Variants in CPT1A observed in about 807,000 individuals in gnomAD.
CPT1A encodes the protein carnitine palmitoyltransferase 1A.
CPT1A carries 64 observed loss-of-function variants against 100.8 expected under a neutral mutation model. The ratio of observed to expected loss-of-function variants is 0.63; its 90% confidence interval spans 0.52 to 0.78. The LOEUF (loss-of-function observed/expected upper bound fraction) is 0.78, where lower values mean the gene tolerates loss of function less well. CPT1A is among the 30% of genes least tolerant of loss of function. The probability of loss-of-function intolerance (pLI) is 0.00; values close to 1 mark genes in which losing one functional copy is unlikely to be tolerated. For synonymous variants in CPT1A, 363 were observed against 396.0 expected (o/e 0.92, Z 0.99); for missense variants, 802 against 1,034.1 (o/e 0.78, Z 3.08).
At chr11:68,787,529 C>A (rs1432444205) in intron 9 of CPT1A, among the ~76,000 whole-genome samples, 1 of 152,136 alleles carries the variant, frequency 6.6e-6, no homozygotes, top group Non-Finnish European at 1.5e-5. Flanking sequence ...TGTGTCCCCC[C>A]ATTCATATAT....
At chr11:68,783,916 C>A (rs1855383351) in intron 10 of CPT1A, among the ~76,000 whole-genome samples, 1 of 152,220 alleles carries the variant, frequency 6.6e-6, no homozygotes, top group Non-Finnish European at 1.5e-5. Flanking sequence ...GTCACCCAGG[C>A]TGGAGTGCAG....
intron 1 of CPT1A, among the ~76,000 whole-genome samples, chr11:68,840,200 G>A (rs78442314): frequency 2.0e-5 from 3 of 152,196 alleles, no homozygotes; most frequent in African/African-American, 7.2e-5. Context: ...ATGTTCGCTG[G>A]CCTCAGCGGT....
rs1231286362 is a variant in CPT1A at position 68,755,708 on chromosome 11, C to T, written c.*1936G>A. 5 of 95,496 alleles carry T rather than the reference C, an allele frequency of 5.2e-5. No individual in the cohort carries two copies. Among genetic ancestry groups the T allele is most frequent in the Admixed American group, 1.1e-4 (1 of 8,766 alleles). 5.9% of individuals were successfully genotyped at this position (95,496 alleles called of 1,614,324 possible). ...ACACGCATGAGCCACCGCGCCTGGA[C>T]GCTTTTTTTTTTTTTTTTGTCTTTT... On this transcript the variant is annotated 3_prime_UTR_variant, in exon 19 of 19. Transcript: ENST00000265641.
At chr11:68,800,692 C>T (rs1443850019) in intron 5 of CPT1A, among the ~76,000 whole-genome samples, 2 of 151,860 alleles carry the variant, frequency 1.3e-5, no homozygotes, top group African/African-American at 4.8e-5. Flanking sequence ...TTGCTAACCC[C>T]ACAATTTGTC....
chr11:68,799,790 C>T (rs1855855651), intron 5 of CPT1A, among the ~76,000 whole-genome samples: 2 of 151,942 alleles, frequency 1.3e-5, no homozygotes, highest in African/African-American at 2.4e-5. Context: ...ACTCTTCCCC[C>T]AAGTTGGTCT....
At chr11:68,758,301 C>T (rs921019239) in intron 18 of CPT1A, among the ~76,000 whole-genome samples, 7 of 152,026 alleles carry the variant, frequency 4.6e-5, no homozygotes, top group Admixed American at 3.9e-4. Flanking sequence ...AAAAGAAAAC[C>T]GCAGTGAACA....
intron 3 of CPT1A, among the ~76,000 whole-genome samples, chr11:68,810,948 G>A (rs568658994): frequency 2.6e-5 from 4 of 152,146 alleles, no homozygotes; most frequent in South Asian, 2.1e-4. Context: ...TCGCACCATC[G>A]CACTCCAGCC....
At chr11:68,798,456 C>T (rs1855814356) in intron 6 of CPT1A, among the ~76,000 whole-genome samples, 1 of 152,186 alleles carries the variant, frequency 6.6e-6, no homozygotes. Flanking sequence ...ACCTTCTCTT[C>T]CGTGTTAGTT....
At chr11:68,840,739 T>C (rs571704983) in intron 1 of CPT1A, among the ~76,000 whole-genome samples, 1 of 152,112 alleles carries the variant, frequency 6.6e-6, no homozygotes, top group Non-Finnish European at 1.5e-5. Flanking sequence ...CGCTGACCCA[T>C]GGCCTCTCCT....
chr11:68,772,679 C>T (rs1855023064), intron 14 of CPT1A, among the ~76,000 whole-genome samples: 1 of 152,028 alleles, frequency 6.6e-6, no homozygotes, highest in South Asian at 2.1e-4. Context: ...AAAGACATCA[C>T]TTAATAGCTA....
At chr11:68,786,070 A>T (rs1251863450) in intron 9 of CPT1A, 1 of 702,242 alleles carries the variant, frequency 1.4e-6, no homozygotes, top group Admixed American at 2.0e-5. Context: ...ATGATTAAAA[A>T]TAGGACAAGC....
At chr11:68,825,517 C>T (rs1009159064) in intron 1 of CPT1A, among the ~76,000 whole-genome samples, 3 of 152,164 alleles carry the variant, frequency 2.0e-5, no homozygotes, top group Admixed American at 1.3e-4. Flanking sequence ...TGGCCATGCC[C>T]AAGCCCCCTT....
upstream of CPT1A, chr11:68,841,964 C>G (rs1857171535): frequency 1.0e-6 from 1 of 985,254 alleles, no homozygotes; most frequent in South Asian, 4.5e-5. The surrounding 1 kb of genome is among the most constrained non-coding windows in gnomAD (Gnocchi z 6.3). Context: ...TGACTCCCGG[C>G]GCGCGGAGGG....
intron 1 of CPT1A, among the ~76,000 whole-genome samples, chr11:68,833,900 G>C (rs1181564181): frequency 2.0e-5 from 3 of 151,794 alleles, no homozygotes. Flanking sequence ...TTCTGTTGCC[G>C]AGCGTGACCT....
chr11:68,773,491 A>G, intron 13 of CPT1A, 62 bp from the exon 14 acceptor site: 3 of 1,611,308 alleles, frequency 1.9e-6, no homozygotes, highest in Non-Finnish European at 2.5e-6. Context: ...ACGCACACCC[A>G]GAAGGAAATT....
Position 68,755,087 on chromosome 11 carries a change from A to AAT in CPT1A, c.*2555_*2556dup, listed in dbSNP as rs1389350081. 2.0e-6 allele frequency: 1 copy of AAT among 502,840 alleles called. No individual in the cohort carries two copies. Among genetic ancestry groups the AAT allele is most frequent in the Non-Finnish European group, 3.5e-6 (1 of 281,988 alleles). The allele number at this position is 502,840 out of a possible 1,614,324, so 31.1% of individuals were successfully genotyped here. A position where few individuals can be genotyped will look rare whatever the true frequency, so the allele number is the denominator to read the frequency against. Reference sequence around the variant, plus strand: ...CTTATCACCCCCCTTGGACATGTACAATAAGACCCCTCTTTCTCCCCTCAA... The same window carrying AAT: ...CTTATCACCCCCCTTGGACATGTACAATATAAGACCCCTCTTTCTCCCCTCAA... On this transcript the variant is annotated 3_prime_UTR_variant, in exon 19 of 19. Transcript: ENST00000265641.
At position 68,784,997 on chromosome 11, in the gene CPT1A, G is replaced by A. The variant is rs2153998421; in HGVS notation, c.981C>T (p.His327=). Residue 327 remains histidine (H), a synonymous_variant, in exon 10 of 19, where the codon CAC becomes CAT. Coordinates refer to ENST00000265641, the MANE Select transcript of CPT1A (RefSeq NM_001876.4). ...CGACGATGTGCTTGCTGTCTCTCAT[G>A]TGCTGGATGGTGTCTGAGCCGGCCG... ...IPGEETDTIQ[H]MRDSKHIVVY... 17 of 1,613,786 alleles carry A rather than the reference G, an allele frequency of 1.1e-5. No homozygotes were observed. The highest frequency in any genetic ancestry group is 1.4e-5 in the Non-Finnish European group (17 of 1,180,030).
chr11:68,785,787 A>C (rs2153998572), intron 9 of CPT1A: 2 of 544,296 alleles, frequency 3.7e-6, no homozygotes, highest in East Asian at 6.2e-5. Context: ...AGGGCAACTT[A>C]GAAAATATGC....
chr11:68,769,403 ATTT>A (rs528320899), intron 14 of CPT1A, among the ~76,000 whole-genome samples: 31 of 133,298 alleles, frequency 2.3e-4, no homozygotes, highest in African/African-American at 7.0e-4. Flanking sequence ...TGCTGGGCTA[ATTT>A]TTTTTTTTTT....
Sources: gnomAD v4.1 joint callset for allele counts (sites outside exome capture counted in the v4.1 genomes callset) on GRCh38, gnomAD v4.1.1 for gene constraint, Gnocchi (gnomAD v3.1) non-coding constraint, MANE v1.5 for transcripts, NCBI Gene and HGNC (gene_info 2026-07-23, HGNC 2026-07-21) for gene names.